ZMIZ1: variants seen among roughly 807,000 people sequenced by gnomAD.
ZMIZ1 encodes zinc finger MIZ domain-containing protein 1.
A neutral mutation model predicts 113.9 loss-of-function variants in ZMIZ1; 17 were observed. The observed-to-expected ratio is 0.15, with a 90% CI of 0.10 to 0.22. ZMIZ1 has a LOEUF of 0.22. Ranked by LOEUF, ZMIZ1 falls within the 10% of genes least tolerant of loss-of-function variation. The probability of loss-of-function intolerance (pLI) is 1.00; values close to 1 mark genes in which losing one functional copy is unlikely to be tolerated. For synonymous variants in ZMIZ1, 607 were observed against 603.1 expected (o/e 1.01, Z -0.09); for missense variants, 1,059 against 1,477.8 (o/e 0.72, Z 4.65).
At chr10:79,114,365 C>T (rs900707389) in intron 1 of ZMIZ1, among the ~76,000 whole-genome samples, 2 of 152,164 alleles carry the variant, frequency 1.3e-5, no homozygotes, top group Admixed American at 1.3e-4. Flanking sequence ...TGGAAATGTG[C>T]TCTGAGGATG....
intron 1 of ZMIZ1, among the ~76,000 whole-genome samples, chr10:79,073,561 T>C (rs1842367619): frequency 1.3e-5 from 2 of 152,212 alleles, no homozygotes; most frequent in South Asian, 2.1e-4. Context: ...GGGCTTGAGA[T>C]GCTGGGGGGC....
chr10:79,105,688 G>T (rs1843530178), intron 1 of ZMIZ1, among the ~76,000 whole-genome samples: 3 of 152,162 alleles, frequency 2.0e-5, no homozygotes, highest in Admixed American at 2.0e-4. Context: ...TGTTCTCCTT[G>T]TATTTGTTTT....
chr10:79,092,107 T>C (rs1843000061), intron 1 of ZMIZ1, among the ~76,000 whole-genome samples: 1 of 152,126 alleles, frequency 6.6e-6, no homozygotes, highest in Non-Finnish European at 1.5e-5. Flanking sequence ...CTTCTGAAGA[T>C]CTGGGTGCAG....
chr10:79,242,933 G>T (rs1250005097), intron 7 of ZMIZ1, among the ~76,000 whole-genome samples: 1 of 151,460 alleles, frequency 6.6e-6, no homozygotes, highest in East Asian at 2.0e-4. Flanking sequence ...GCGCTCCCTC[G>T]CAGCGAAGTG....
In ZMIZ1 at chr10:79,309,940, C is replaced by T. The variant is rs569255954; in HGVS notation, c.2836-984C>T. ...TGCAGTGGGATCAGGGCTTGGTCTGCGAGGATTCCCCGGCCTTTCACTTTG... is the reference window on the plus strand; with the variant it reads ...TGCAGTGGGATCAGGGCTTGGTCTGTGAGGATTCCCCGGCCTTTCACTTTG... On this transcript the variant is annotated intron_variant, in intron 23 of 24. Coordinates refer to ENST00000334512, the MANE Select transcript of ZMIZ1 (RefSeq NM_020338.4). 7.2e-5 allele frequency among the ~76,000 whole-genome samples: 11 copies of T among 152,252 alleles called. No homozygotes were observed. The South Asian group carries it at 8.3e-4, about 11-fold the overall frequency.
At chr10:79,088,785 C>T (rs949976337) in intron 1 of ZMIZ1, among the ~76,000 whole-genome samples, 5 of 152,304 alleles carry the variant, frequency 3.3e-5, no homozygotes, top group Middle Eastern at 3.4e-3. Flanking sequence ...TTCCATTTAG[C>T]GGTCCCCACT....
rs367700898 is a variant in ZMIZ1, at chr10:79,300,662, G to T, written c.1809-70G>T. 1.0e-3 allele frequency: 1,516 copies of T among 1,509,532 alleles called. 19 individuals are homozygous for T. In the South Asian group the frequency reaches 0.017, roughly 17 times the overall value. The allele number at this position is 1,509,532 out of a possible 1,614,324, so 93.5% of individuals were successfully genotyped here. ...GGTGTGTTTAGAGGTGTGTGACCTG[G>T]CTCGGGGTCACGGAGGCCATGGACA... On this transcript the variant is annotated intron_variant, in intron 16 of 24. Coordinates refer to ENST00000334512, the MANE Select transcript of ZMIZ1 (RefSeq NM_020338.4).
chr10:79,116,579 C>G (rs953021609), intron 1 of ZMIZ1, among the ~76,000 whole-genome samples: 1 of 152,102 alleles, frequency 6.6e-6, no homozygotes, highest in Non-Finnish European at 1.5e-5. Context: ...GAGGTAGAGC[C>G]TGCAGGGCTG....
intron 7 of ZMIZ1, among the ~76,000 whole-genome samples, chr10:79,218,966 G>C (rs1219995520): frequency 6.6e-6 from 1 of 151,988 alleles, no homozygotes; most frequent in Non-Finnish European, 1.5e-5. Flanking sequence ...TCTTTGTCCT[G>C]AGAGTAATGG....
At chr10:79,184,308 A>T (rs1358229287) in intron 4 of ZMIZ1, among the ~76,000 whole-genome samples, 4 of 152,114 alleles carry the variant, frequency 2.6e-5, no homozygotes, top group African/African-American at 9.7e-5. Context: ...CGATGTGCAC[A>T]CACAGCATTG....
At chr10:79,295,569 T>A (rs1853831832) in intron 12 of ZMIZ1, 1 of 152,252 alleles carries the variant, frequency 6.6e-6, no homozygotes. Context: ...ACGTCTTCTA[T>A]ACCTCCTGTG....
intron 2 of ZMIZ1, among the ~76,000 whole-genome samples, chr10:79,137,041 C>G (rs192640552): frequency 8.9e-4 from 136 of 152,286 alleles, no homozygotes; most frequent in African/African-American, 3.2e-3. Flanking sequence ...GTTGTGATTT[C>G]TTTTCTGATT....
At chr10:79,165,960 G>C (rs1328517144) in intron 4 of ZMIZ1, among the ~76,000 whole-genome samples, 22 of 47,032 alleles carry the variant, frequency 4.7e-4, no homozygotes, top group African/African-American at 2.2e-3. Context: ...GTGTGTGTGT[G>C]TGTGTGTGTG....
rs555637604 is a variant in ZMIZ1, at chr10:79,181,439, G to A, written c.-50+19306G>A. ...TGGATTCTGAGGGGGAGACAGCAGAGGCAGGAGCAACCCCAGCACCTCCTT... is the reference window on the plus strand; with the variant it reads ...TGGATTCTGAGGGGGAGACAGCAGAAGCAGGAGCAACCCCAGCACCTCCTT... On this transcript the variant is annotated intron_variant, in intron 4 of 24. Transcript: ENST00000334512. Among the ~76,000 whole-genome samples the A allele has an allele frequency of 1.2e-4, 18 of 152,330 alleles. No individual in the cohort carries two copies. The South Asian group carries it at 3.1e-3, about 26-fold the overall frequency.
intron 7 of ZMIZ1, among the ~76,000 whole-genome samples, chr10:79,242,168 G>A (rs1298687624): frequency 6.6e-6 from 1 of 152,164 alleles, no homozygotes; most frequent in Non-Finnish European, 1.5e-5. Flanking sequence ...CTAAGGGGCA[G>A]AGAGGTGGGG....
At chr10:79,191,706 C>T (rs1266511108) in intron 4 of ZMIZ1, among the ~76,000 whole-genome samples, 2 of 152,206 alleles carry the variant, frequency 1.3e-5, no homozygotes, top group African/African-American at 2.4e-5. Context: ...CTGCCATATT[C>T]CCATGGAAAA....
intron 7 of ZMIZ1, among the ~76,000 whole-genome samples, chr10:79,259,970 C>T (rs1030046569): frequency 1.3e-5 from 2 of 152,212 alleles, no homozygotes; most frequent in South Asian, 2.1e-4. Context: ...CCACTCCCCT[C>T]GACTTTTTGT....
chr10:79,240,726 C>G (rs1396000317), intron 7 of ZMIZ1, among the ~76,000 whole-genome samples: 12 of 118,526 alleles, frequency 1.0e-4, no homozygotes, highest in African/African-American at 3.6e-4. Context: ...TATTAATTCT[C>G]TTCTCCAGCC....
At chr10:79,227,878 C>T (rs1167335560) in intron 7 of ZMIZ1, among the ~76,000 whole-genome samples, 1 of 152,188 alleles carries the variant, frequency 6.6e-6, no homozygotes, top group Non-Finnish European at 1.5e-5. Context: ...ATGCATCCCC[C>T]CTTTCCCCAA....
Sources: gnomAD v4.1 joint callset for allele counts (sites outside exome capture counted in the v4.1 genomes callset) on GRCh38, gnomAD v4.1.1 for gene constraint, MANE v1.5 for transcripts, NCBI Gene and HGNC (gene_info 2026-07-23, HGNC 2026-07-21) for gene names.